Variants in PCSK2 observed in about 807,000 individuals in gnomAD.
PCSK2 encodes the protein neuroendocrine convertase 2.
A neutral mutation model predicts 69.7 loss-of-function variants in PCSK2; 14 were observed. The ratio of observed to expected loss-of-function variants is 0.20; its 90% CI spans 0.13 to 0.31. The LOEUF is 0.31. Ranked by LOEUF, PCSK2 falls within the 10% of genes least tolerant of loss-of-function variation. The probability of loss-of-function intolerance (pLI) is 1.00; values close to 1 mark genes in which losing one functional copy is unlikely to be tolerated. For missense variants in PCSK2, 544 were observed against 842.5 expected (o/e 0.65, Z 4.39); for synonymous variants, 307 against 320.7 (o/e 0.96, Z 0.46).
chr20:17,411,795 C>T (rs2031880384), intron 6 of PCSK2, among the ~76,000 whole-genome samples: 1 of 152,210 alleles, frequency 6.6e-6, no homozygotes, highest in South Asian at 2.1e-4. Context: ...AAGGTGGGTG[C>T]CCCTCTAGGA....
chr20:17,437,517 T>C (rs1200840383), intron 8 of PCSK2, among the ~76,000 whole-genome samples: 1 of 152,124 alleles, frequency 6.6e-6, no homozygotes, highest in Non-Finnish European at 1.5e-5. Context: ...AGAGGAGACA[T>C]GACCCCAGGC....
intron 2 of PCSK2, among the ~76,000 whole-genome samples, chr20:17,284,382 T>A (rs1445452699): frequency 6.6e-6 from 1 of 152,194 alleles, no homozygotes; most frequent in Non-Finnish European, 1.5e-5. Context: ...CTATTGGCAA[T>A]GGCTTTCGTC....
At chr20:17,271,402 A>G (rs6131926) in intron 2 of PCSK2, among the ~76,000 whole-genome samples, 11,230 of 152,140 alleles carry the variant, frequency 0.074, 449 homozygotes, top group African/African-American at 0.098. Flanking sequence ...ATAAAAAATA[A>G]TGTTTGAAAA....
intron 2 of PCSK2, among the ~76,000 whole-genome samples, chr20:17,267,699 T>C (rs943585082): frequency 2.6e-5 from 4 of 152,122 alleles, no homozygotes; most frequent in African/African-American, 9.7e-5. Context: ...ATGGGTACTG[T>C]TCGTGCTGTC....
intron 2 of PCSK2, among the ~76,000 whole-genome samples, chr20:17,292,338 C>T (rs1988725528): frequency 6.6e-6 from 1 of 152,008 alleles, no homozygotes; most frequent in Non-Finnish European, 1.5e-5. Flanking sequence ...TGCCCCCATT[C>T]CATCTTTCCA....
intron 2 of PCSK2, among the ~76,000 whole-genome samples, chr20:17,316,165 G>A (rs1342989455): frequency 6.6e-6 from 1 of 152,188 alleles, no homozygotes; most frequent in Non-Finnish European, 1.5e-5. Flanking sequence ...CCTGGTGTGG[G>A]CAAGTTGTGC....
At chr20:17,371,135 T>C (rs1231963277) in intron 5 of PCSK2, among the ~76,000 whole-genome samples, 1 of 152,164 alleles carries the variant, frequency 6.6e-6, no homozygotes, top group African/African-American at 2.4e-5. Context: ...GTGGTACCCA[T>C]TGGGCTGGAG....
At chr20:17,437,343 G>T (rs1480394912) in intron 8 of PCSK2, among the ~76,000 whole-genome samples, 4 of 152,222 alleles carry the variant, frequency 2.6e-5, no homozygotes, top group Admixed American at 2.6e-4. Flanking sequence ...CAGGGGGTCT[G>T]AGCATGCATT....
At chr20:17,395,501 G>C (rs566202773) in intron 5 of PCSK2, among the ~76,000 whole-genome samples, 22 of 152,214 alleles carry the variant, frequency 1.4e-4, no homozygotes, top group Non-Finnish European at 3.1e-4. Flanking sequence ...GAGTCAGAAG[G>C]TCACATTTTT....
intron 2 of PCSK2, among the ~76,000 whole-genome samples, chr20:17,286,152 C>T (rs2123056003): frequency 6.6e-6 from 1 of 152,306 alleles, no homozygotes; most frequent in African/African-American, 2.4e-5. Context: ...GTTTTCTCCA[C>T]ATGAACAAGG....
intron 2 of PCSK2, among the ~76,000 whole-genome samples, chr20:17,286,466 T>G (rs1988514429): frequency 6.6e-6 from 1 of 151,562 alleles, no homozygotes; most frequent in Admixed American, 6.6e-5. Context: ...CGTTTTTTTG[T>G]TTTTTTTAGG....
At position 17,429,494 on chromosome 20, in the gene PCSK2, T is replaced by C. The variant is rs1300273462; in HGVS notation, c.680T>C (p.Val227Ala). The change falls in exon 7 of 12, where the codon GTT becomes GCT. Residue 227 changes from valine (V) to alanine (A), a missense_variant. Transcript: ENST00000262545. ...SAAANNNICG[V>A]GVAYNSKVAG... ...GCCGCCAACAACAATATCTGTGGAG[T>C]TGGAGTAGCATACAACTCCAAGGTT... 4 of 1,612,838 alleles carry C rather than the reference T, an allele frequency of 2.5e-6. No homozygotes were observed. Among genetic ancestry groups the C allele is most frequent in the Admixed American group, 3.3e-5 (2 of 59,870 alleles).
chr20:17,343,989 G>T (rs1464924557), intron 2 of PCSK2, among the ~76,000 whole-genome samples: 1 of 152,190 alleles, frequency 6.6e-6, no homozygotes, highest in Non-Finnish European at 1.5e-5. Flanking sequence ...ATCTGTTACA[G>T]CAGCCACAGA....
At chr20:17,371,893 G>T (rs1310525023) in intron 5 of PCSK2, among the ~76,000 whole-genome samples, 2 of 152,058 alleles carry the variant, frequency 1.3e-5, no homozygotes, top group Non-Finnish European at 2.9e-5. Flanking sequence ...CAGTAACATG[G>T]GTGGACTCCA....
At chr20:17,383,754 A>C (rs1381785413) in intron 5 of PCSK2, among the ~76,000 whole-genome samples, 1 of 152,132 alleles carries the variant, frequency 6.6e-6, no homozygotes, top group East Asian at 1.9e-4. Context: ...AAATATGGAC[A>C]CTCTATTCAC....
intron 2 of PCSK2, chr20:17,263,160 C>T (rs1987458305): frequency 2.0e-6 from 2 of 984,438 alleles, no homozygotes; most frequent in African/African-American, 3.5e-5. Context: ...ACCCAAGGTA[C>T]TTTTTGGCTT....
chr20:17,460,338 G>A (rs537074185), intron 10 of PCSK2, among the ~76,000 whole-genome samples: 1 of 152,292 alleles, frequency 6.6e-6, no homozygotes, highest in South Asian at 2.1e-4. Context: ...GTTTTCCAAG[G>A]AGCCCCACCC....
At chr20:17,247,592 C>G (rs1235685698) in intron 1 of PCSK2, among the ~76,000 whole-genome samples, 3 of 152,190 alleles carry the variant, frequency 2.0e-5, no homozygotes, top group Non-Finnish European at 2.9e-5. Flanking sequence ...AGTGAAGAGT[C>G]TGATCCGGGA....
intron 2 of PCSK2, among the ~76,000 whole-genome samples, chr20:17,284,729 GC>G (rs1988452772): frequency 6.6e-6 from 1 of 152,170 alleles, no homozygotes. Context: ...TAACCATAGG[GC>G]CACCAAATGA....
Sources: allele counts gnomAD v4.1 joint callset (sites outside exome capture counted in the v4.1 genomes callset), GRCh38; gene constraint gnomAD v4.1.1; transcripts MANE v1.5; gene names NCBI Gene and HGNC (gene_info 2026-07-23, HGNC 2026-07-21).